CSRP3: variants seen among roughly 807,000 people sequenced by gnomAD.
CSRP3 encodes the protein cysteine and glycine rich protein 3.
CSRP3 carries 24 observed loss-of-function variants against 24.3 expected under a neutral mutation model. The observed-to-expected ratio is 0.99, with a 90% CI of 0.71 to 1.39. CSRP3 has a LOEUF of 1.39. Among genes scored for constraint, CSRP3 ranks in the 40% most tolerant of loss-of-function variants. The pLI, the probability that CSRP3 is intolerant of heterozygous loss-of-function variation, is 0.00. For missense variants in CSRP3, 240 were observed against 249.0 expected (o/e 0.96, Z 0.24); for synonymous variants, 105 against 94.0 (o/e 1.12, Z -0.68).
intron 1 of CSRP3, among the ~76,000 whole-genome samples, chr11:19,199,883 ACCCTC>A (rs1163172599): frequency 6.6e-6 from 1 of 152,206 alleles, no homozygotes; most frequent in African/African-American, 2.4e-5. Flanking sequence ...ATGAAGCCCA[ACCCTC>A]TATACAGTAT....
At position 19,182,711 on chromosome 11, in the gene CSRP3, CA is replaced by C. The variant is rs1850456329; in HGVS notation, c.543del (p.Ile181MetfsTer27). The C allele has an allele frequency of 1.2e-6, 2 of 1,614,032 alleles. No individual in the cohort carries two copies. The highest frequency in any genetic ancestry group is 1.7e-6 in the Non-Finnish European group (2 of 1,180,028). On this transcript the variant is annotated frameshift_variant, in exon 6 of 6. Transcript: ENST00000265968. LOFTEE classifies it high-confidence loss of function. ...ACTTGTTGTGTAAGGCCTCCAAACC[CA>C]ATACCCGTGGGGCCAAAATTTTTGG... The part of the protein sequence containing the change: ...CYAKNFGPTG[I>X]GFGGLTQQVE...
chr11:19,186,392 C>T, intron 3 of CSRP3, 44 bp from the exon 4 acceptor site: 1 of 1,613,726 alleles, frequency 6.2e-7, no homozygotes, highest in South Asian at 1.1e-5. Context: ...TTTCCCTTGG[C>T]AAAGAGTAGA....
At chr11:19,195,491 C>T (rs1850686798) in intron 1 of CSRP3, among the ~76,000 whole-genome samples, 1 of 152,056 alleles carries the variant, frequency 6.6e-6, no homozygotes, top group Admixed American at 6.6e-5. Context: ...CAGCATGATA[C>T]AAAATAGAGG....
chr11:19,189,302 A>T (rs1850579783), intron 2 of CSRP3, among the ~76,000 whole-genome samples: 1 of 152,182 alleles, frequency 6.6e-6, no homozygotes, highest in African/African-American at 2.4e-5. Flanking sequence ...TCACCTAGAA[A>T]TTGCATCTCA....
At chr11:19,201,126 T>C (rs191281996) in intron 1 of CSRP3, among the ~76,000 whole-genome samples, 202 of 151,646 alleles carry the variant, frequency 1.3e-3, no homozygotes, top group Non-Finnish European at 2.3e-3. Flanking sequence ...CACCTATGTC[T>C]GTCATTCACT....
intron 1 of CSRP3, among the ~76,000 whole-genome samples, chr11:19,197,388 C>CCCTT (rs869090928): frequency 0.11 from 1,186 of 10,470 alleles, 19 homozygotes; most frequent in Middle Eastern, 0.3. Flanking sequence ...CTCCCTCCCT[C>CCCTT]CCTTCCTTCC....
At chr11:19,192,732 G>A (rs544870869) in intron 1 of CSRP3, among the ~76,000 whole-genome samples, 2 of 152,128 alleles carry the variant, frequency 1.3e-5, no homozygotes, top group South Asian at 4.1e-4. Context: ...CTATTCCTAT[G>A]TATCTCACAG....
Position 19,192,464 on chromosome 11 carries a change from G to A in CSRP3, c.-16C>T, listed in dbSNP as rs1380896530. Reference sequence around the variant, plus strand: ...AGTTTGGCATCTTGAAGACTATCTGGTCAAGGTCAAGTCTAAGGGGACATA... The same window carrying A: ...AGTTTGGCATCTTGAAGACTATCTGATCAAGGTCAAGTCTAAGGGGACATA... On this transcript the variant is annotated 5_prime_UTR_variant, in exon 2 of 6. Coordinates refer to ENST00000265968, the MANE Select transcript of CSRP3 (RefSeq NM_003476.5). 2.5e-6 allele frequency: 4 copies of A among 1,598,928 alleles called. No homozygotes were observed. The African/African-American group carries it at 4.0e-5, about 16-fold the overall frequency.
intron 1 of CSRP3, among the ~76,000 whole-genome samples, chr11:19,198,188 A>C (rs892368405): frequency 6.6e-6 from 1 of 152,216 alleles, no homozygotes; most frequent in African/African-American, 2.4e-5. Flanking sequence ...AGAACTGAAG[A>C]GCTTAAGTAG....
chr11:19,189,317 G>A (rs900235490), intron 2 of CSRP3, among the ~76,000 whole-genome samples: 1 of 152,144 alleles, frequency 6.6e-6, no homozygotes, highest in Admixed American at 6.6e-5. Context: ...ATCTCAACAA[G>A]AAGGACCTAT....
intron 5 of CSRP3, among the ~76,000 whole-genome samples, chr11:19,184,549 C>T (rs928503396): frequency 5.3e-5 from 8 of 152,220 alleles, no homozygotes; most frequent in Admixed American, 3.9e-4. Flanking sequence ...CACCCTCCTC[C>T]AGTCACCCCC....
intron 5 of CSRP3, among the ~76,000 whole-genome samples, chr11:19,183,210 T>C (rs1270640310): frequency 6.6e-6 from 1 of 152,132 alleles, no homozygotes; most frequent in Non-Finnish European, 1.5e-5. Context: ...TTAAAATAAA[T>C]TTAACAATAC....
At chr11:19,196,687 T>A (rs1254674062) in intron 1 of CSRP3, 1 of 152,176 alleles carries the variant, frequency 6.6e-6, no homozygotes, top group Non-Finnish European at 1.5e-5. Flanking sequence ...GGGATACAAT[T>A]ATAGGCTTGC....
chr11:19,192,876 C>T (rs1381869185), intron 1 of CSRP3, among the ~76,000 whole-genome samples: 8 of 151,832 alleles, frequency 5.3e-5, no homozygotes, highest in African/African-American at 1.9e-4. Flanking sequence ...GTATTTTCTT[C>T]TTGTCTAGCT....
rs546277998 is a variant in CSRP3 at position 19,193,142 on chromosome 11, A to G, written c.-28-666T>C. 1.2e-4 allele frequency among the ~76,000 whole-genome samples: 18 copies of G among 152,302 alleles called. 1 individual carries two copies. Among genetic ancestry groups the G allele is most frequent in the African/African-American group, 3.8e-4 (16 of 41,564 alleles). On this transcript the variant is annotated intron_variant, in intron 1 of 5. Coordinates refer to ENST00000265968, the MANE Select transcript of CSRP3 (RefSeq NM_003476.5). ...TTTTAAGAATATAATCACCTAGGCT[A>G]TAAGATATATTGGCACTACACTAGG...
At chr11:19,190,955 G>A (rs911116438) in intron 2 of CSRP3, among the ~76,000 whole-genome samples, 2 of 152,048 alleles carry the variant, frequency 1.3e-5, no homozygotes, top group African/African-American at 4.8e-5. Context: ...CTCCTACCTG[G>A]GAAAGACAAG....
At chr11:19,187,110 G>A (rs140275038) in intron 3 of CSRP3, among the ~76,000 whole-genome samples, 503 of 152,294 alleles carry the variant, frequency 3.3e-3, no homozygotes, top group African/African-American at 0.011. Context: ...TCTTTGTGCA[G>A]CATCACTAGG....
chr11:19,186,720 G>A (rs923273890), intron 3 of CSRP3, among the ~76,000 whole-genome samples: 4 of 152,200 alleles, frequency 2.6e-5, no homozygotes, highest in African/African-American at 7.2e-5. Flanking sequence ...CATTTGCAAG[G>A]CCACTTCTTT....
intron 1 of CSRP3, chr11:19,196,874 T>C (rs934778362): frequency 2.0e-5 from 3 of 152,178 alleles, no homozygotes; most frequent in Admixed American, 1.3e-4. Context: ...CCCTGTGACA[T>C]CAACTTGGAA....
Sources: gnomAD v4.1 joint callset for allele counts (sites outside exome capture counted in the v4.1 genomes callset) on GRCh38, gnomAD v4.1.1 for gene constraint, MANE v1.5 for transcripts, NCBI Gene and HGNC (gene_info 2026-07-23, HGNC 2026-07-21) for gene names.